PDE4D: variants seen among roughly 807,000 people sequenced by gnomAD.
The protein encoded by PDE4D is 3',5'-cyclic-AMP phosphodiesterase 4D.
A neutral mutation model predicts 87.4 loss-of-function variants in PDE4D; 24 were observed. The observed-to-expected ratio is 0.27, with a 90% CI of 0.20 to 0.39. The LOEUF (loss-of-function observed/expected upper bound fraction) is 0.39, where lower values mean the gene tolerates loss of function less well. PDE4D is among the 10% of genes least tolerant of loss of function. The probability of loss-of-function intolerance (pLI) is 1.00; values close to 1 mark genes in which losing one functional copy is unlikely to be tolerated. For missense variants in PDE4D, 714 were observed against 1,041.0 expected, an observed-to-expected ratio of 0.69 and a Z score of 4.32; for synonymous variants, 384 against 383.2, an observed-to-expected ratio of 1.00 and a Z score of -0.02.
chr5:59,344,228 C>T (rs1779255811), intron 1 of PDE4D, among the ~76,000 whole-genome samples: 1 of 152,002 alleles, frequency 6.6e-6, no homozygotes, highest in Non-Finnish European at 1.5e-5. Context: ...TTAGTATAAC[C>T]AAGAAATACT....
intron 1 of PDE4D, among the ~76,000 whole-genome samples, chr5:59,506,440 T>G (rs955743121): frequency 2.0e-5 from 3 of 152,006 alleles, no homozygotes; most frequent in Non-Finnish European, 2.9e-5. Context: ...TTAAAGAAAA[T>G]TATGCATAAT....
intron 1 of PDE4D, among the ~76,000 whole-genome samples, chr5:59,225,411 A>G (rs978723102): frequency 6.6e-6 from 1 of 152,096 alleles, no homozygotes; most frequent in African/African-American, 2.4e-5. Context: ...TCACTTAGTA[A>G]TATGTTTTGA....
upstream of PDE4D, among the ~76,000 whole-genome samples, chr5:59,894,738 A>T (rs1751456854): frequency 6.6e-6 from 1 of 152,230 alleles, no homozygotes; most frequent in African/African-American, 2.4e-5. Context: ...AAAGTGTTTT[A>T]AAAACATGTT....
intron 1 of PDE4D, among the ~76,000 whole-genome samples, chr5:59,317,638 G>C (rs1260489158): frequency 6.6e-6 from 1 of 152,154 alleles, no homozygotes; most frequent in African/African-American, 2.4e-5. Context: ...TTTCCCTCGC[G>C]TAAGAACCTG....
chr5:59,823,827 A>C, intron 1 of PDE4D, among the ~76,000 whole-genome samples: 1 of 145,982 alleles, frequency 6.9e-6, no homozygotes, highest in Non-Finnish European at 1.5e-5. Context: ...ATTCTTTGGG[A>C]CCTTTGCTAT....
intron 1 of PDE4D, among the ~76,000 whole-genome samples, chr5:60,223,981 A>C (rs1744800175): frequency 3.3e-5 from 5 of 152,066 alleles, no homozygotes; most frequent in Admixed American, 3.3e-4. Flanking sequence ...TCTAAGACTT[A>C]GAGAGTAAGT....
Position 59,211,543 on chromosome 5 carries a change from GT to G in PDE4D, c.647+4233del, listed in dbSNP as rs1750080973. ...TTGCTGTAGTAGTATAAAGTACTTT[GT>G]TTACAATGGCATTATCAAATTATGT... On this transcript the variant is annotated intron_variant, in intron 2 of 14. Coordinates refer to ENST00000340635, the MANE Select transcript of PDE4D (RefSeq NM_001104631.2). Among the ~76,000 whole-genome samples the G allele has an allele frequency of 2.0e-5, 3 of 151,940 alleles. No individual in the cohort carries two copies. The South Asian group carries it at 6.2e-4, about 32-fold the overall frequency.
chr5:60,306,389 T>C (rs151069696), intron 1 of PDE4D, among the ~76,000 whole-genome samples: 1 of 151,696 alleles, frequency 6.6e-6, no homozygotes, highest in East Asian at 1.9e-4. Context: ...TTGAATAAAA[T>C]AAAATAACAA....
chr5:60,423,295 T>C (rs1277755645), intron 1 of PDE4D, among the ~76,000 whole-genome samples: 2 of 152,174 alleles, frequency 1.3e-5, no homozygotes, highest in African/African-American at 2.4e-5. Context: ...TAATTGGAAG[T>C]AAAGCACTAC....
intron 1 of PDE4D, among the ~76,000 whole-genome samples, chr5:59,382,699 C>A (rs1159504132): frequency 6.6e-6 from 1 of 152,064 alleles, no homozygotes; most frequent in Non-Finnish European, 1.5e-5. Flanking sequence ...AGGAAATCTG[C>A]ATTACAAGAC....
intron 1 of PDE4D, among the ~76,000 whole-genome samples, chr5:59,624,200 C>A (rs969255474): frequency 2.0e-5 from 3 of 152,136 alleles, no homozygotes; most frequent in African/African-American, 7.2e-5. Context: ...GCTCTTAATT[C>A]TATCCCCATT....
At chr5:60,126,087 T>C (rs1779099179) in intron 2 of PDE4D, among the ~76,000 whole-genome samples, 1 of 152,140 alleles carries the variant, frequency 6.6e-6, no homozygotes. Context: ...TTCAGAAGAT[T>C]TGGTGCTCAA....
chr5:59,284,383 A>G (rs1766455982), intron 1 of PDE4D, among the ~76,000 whole-genome samples: 1 of 152,154 alleles, frequency 6.6e-6, no homozygotes, highest in African/African-American at 2.4e-5. Flanking sequence ...GGGCCTCCAT[A>G]ATGCTGTGAG....
intron 1 of PDE4D, among the ~76,000 whole-genome samples, chr5:60,215,121 T>C (rs541520633): frequency 1.3e-4 from 20 of 152,304 alleles, no homozygotes; most frequent in African/African-American, 4.3e-4. Flanking sequence ...TTCACTCCTC[T>C]GTAGCGATTT....
Position 59,780,587 on chromosome 5 carries a change from T to G in PDE4D, c.455+112581A>C, listed in dbSNP as rs148776811. 2.5e-3 allele frequency among the ~76,000 whole-genome samples: 379 copies of G among 152,350 alleles called. 1 individual carries two copies. The highest frequency in any genetic ancestry group is 4.2e-3 in the Non-Finnish European group (289 of 68,036). On this transcript the variant is annotated intron_variant, in intron 1 of 14. Transcript: ENST00000340635. ...GATAGATTGTGCTAAGCATGTATTCTTTGTGCCTAGTCCCTCTTTTACACA... is the reference window on the plus strand; with the variant it reads ...GATAGATTGTGCTAAGCATGTATTCGTTGTGCCTAGTCCCTCTTTTACACA...
chr5:59,517,263 A>C (rs1176683558), intron 1 of PDE4D, among the ~76,000 whole-genome samples: 1 of 152,238 alleles, frequency 6.6e-6, no homozygotes, highest in African/African-American at 2.4e-5. Flanking sequence ...AAACTTCTTT[A>C]ACCTTGCATA....
intron 1 of PDE4D, among the ~76,000 whole-genome samples, chr5:60,494,913 C>T (rs1749732050): frequency 6.6e-6 from 1 of 152,154 alleles, no homozygotes; most frequent in Admixed American, 6.5e-5. Context: ...TGGGCCAGCC[C>T]TATTTGCATA....
Position 59,175,781 on chromosome 5 carries a change from A to ATTTTTTTTTT in PDE4D, c.808+4804_808+4813dup, listed in dbSNP as rs57572403. On this transcript the variant is annotated intron_variant, in intron 5 of 14. Coordinates refer to ENST00000340635, the MANE Select transcript of PDE4D (RefSeq NM_001104631.2). ...GCATGAGCCACCATGCCCGGCCTCC[A>ATTTTTTTTTT]TTTTTTTTTTTTTTTTTTTTTTTTT... 8.8e-4 allele frequency among the ~76,000 whole-genome samples: 83 copies of ATTTTTTTTTT among 94,582 alleles called. 3 individuals carry two copies. Among genetic ancestry groups the ATTTTTTTTTT allele is most frequent in the African/African-American group, 1.8e-3 (46 of 24,944 alleles). 62.0% of individuals were successfully genotyped at this position (94,582 alleles called of 152,430 possible). A position where few individuals can be genotyped will look rare whatever the true frequency, so the allele number is the denominator to read the frequency against.
chr5:60,351,781 T>TTTTA (rs144196649), intron 1 of PDE4D, among the ~76,000 whole-genome samples: 7,895 of 147,168 alleles, frequency 0.054, 289 homozygotes, highest in East Asian at 0.15. Context: ...CACCTAATTA[T>TTTTA]TTTATTTATT....
Sources: gnomAD v4.1 joint callset for allele counts (sites outside exome capture counted in the v4.1 genomes callset) on GRCh38, gnomAD v4.1.1 for gene constraint, MANE v1.5 for transcripts, NCBI Gene and HGNC (gene_info 2026-07-23, HGNC 2026-07-21) for gene names.